The following IL1RAPL1 variants were observed in gnomAD, a reference collection of about 807,000 sequenced individuals.
The protein encoded by IL1RAPL1 is interleukin-1 receptor accessory protein-like 1.
Under a neutral mutation model 48.4 loss-of-function variants are expected in IL1RAPL1, and 3 were observed. The observed-to-expected ratio is 0.06, with a 90% CI of 0.03 to 0.16. The LOEUF (loss-of-function observed/expected upper bound fraction) is 0.16. IL1RAPL1 is among the 10% of genes least tolerant of loss of function. IL1RAPL1 has a pLI of 1.00. For synonymous variants in IL1RAPL1, 185 were observed against 187.7 expected (o/e 0.99, Z 0.12); for missense variants, 349 against 530.6 (o/e 0.66, Z 3.36).
intron 2 of IL1RAPL1, among the ~76,000 whole-genome samples, chrX:28,979,596 C>T (rs1001620597): frequency 2.7e-5 from 3 of 111,509 alleles, no homozygotes; most frequent in African/African-American, 9.8e-5. Context: ...CTTTTTGCTT[C>T]TCTAGCTCTC....
At chrX:29,648,954 T>C (rs7473771) in intron 5 of IL1RAPL1, among the ~76,000 whole-genome samples, 579 of 111,457 alleles carry the variant, frequency 5.2e-3, no homozygotes, top group Non-Finnish European at 7.1e-3. Flanking sequence ...ACTGAAGAAA[T>C]GCAAAGGATC....
chrX:29,850,761 C>T (rs1931349071), intron 6 of IL1RAPL1, among the ~76,000 whole-genome samples: 1 of 112,515 alleles, frequency 8.9e-6, no homozygotes, highest in South Asian at 3.7e-4. Context: ...TCTTGAGCAG[C>T]TTCACAGACA....
At chrX:28,686,552 C>T (rs1354238601) in intron 1 of IL1RAPL1, among the ~76,000 whole-genome samples, 1 of 112,000 alleles carries the variant, frequency 8.9e-6, no homozygotes, top group African/African-American at 3.2e-5. Flanking sequence ...CACCCATATA[C>T]TCTTTCACTT....
rs756122657 is a variant in IL1RAPL1, at chrX:28,724,227, C to G, written c.-24-65093C>G. Among the ~76,000 whole-genome samples the G allele has an allele frequency of 6.4e-4, 71 of 111,292 alleles. 1 individual carries two copies. Among genetic ancestry groups the G allele is most frequent in the African/African-American group, 2.0e-3 (61 of 30,592 alleles). On this transcript the variant is annotated intron_variant, in intron 1 of 10. Coordinates refer to ENST00000378993, the MANE Select transcript of IL1RAPL1 (RefSeq NM_014271.4). ...TCACCCATTATTATTGAGTGGGAGTCTAAGTCTCTTTGTAGATCTCTAAGG... is the reference window on the plus strand; with the variant it reads ...TCACCCATTATTATTGAGTGGGAGTGTAAGTCTCTTTGTAGATCTCTAAGG...
intron 5 of IL1RAPL1, among the ~76,000 whole-genome samples, chrX:29,586,864 T>C (rs1923183900): frequency 8.9e-6 from 1 of 111,735 alleles, no homozygotes; most frequent in Admixed American, 9.6e-5. Flanking sequence ...ACACAGCTAA[T>C]TTTTGTGTGC....
intron 1 of IL1RAPL1, among the ~76,000 whole-genome samples, chrX:28,704,850 C>A (rs1165354681): frequency 4.3e-4 from 23 of 53,487 alleles, no homozygotes; most frequent in East Asian, 3.1e-3. Context: ...AAAAAAAAAA[C>A]TGTGACTGGA....
intron 6 of IL1RAPL1, among the ~76,000 whole-genome samples, chrX:29,890,405 G>A (rs372139237): frequency 9.0e-6 from 1 of 111,657 alleles, no homozygotes. Context: ...ACCATGTGCC[G>A]CCAGGCTGCA....
Position 28,971,487 on chromosome X carries a change from T to C in IL1RAPL1, c.82+182062T>C, listed in dbSNP as rs138701850. 4.6e-3 allele frequency among the ~76,000 whole-genome samples: 510 copies of C among 111,859 alleles called. 4 individuals are homozygous for C. The highest frequency in any genetic ancestry group is 0.015 in the African/African-American group (477 of 30,827). On this transcript the variant is annotated intron_variant, in intron 2 of 10. Transcript: ENST00000378993. The stretch of plus-strand genomic sequence containing the variant: ...ATAATCTATAAATCCCAATGACCTA[T>C]AAGAGCAAGACAAGGACTGCAGGTG...
In IL1RAPL1 at chrX:29,174,114, G is replaced by C. The variant is rs145791912; in HGVS notation, c.83-108824G>C. The stretch of plus-strand genomic sequence containing the variant: ...GAATTTTGTATTTCTGGTAGAGACG[G>C]GGTTTCTCCATGTTGGTCAGGCTGG... On this transcript the variant is annotated intron_variant, in intron 2 of 10. Coordinates refer to ENST00000378993, the MANE Select transcript of IL1RAPL1 (RefSeq NM_014271.4). Among the ~76,000 whole-genome samples, 449 of 110,286 alleles carry C rather than the reference G, an allele frequency of 4.1e-3. 7 individuals carry two copies. In the East Asian group the frequency reaches 0.045, roughly 11 times the overall value.
intron 2 of IL1RAPL1, among the ~76,000 whole-genome samples, chrX:29,001,220 G>T (rs1300009673): frequency 9.0e-6 from 1 of 111,369 alleles, no homozygotes; most frequent in Non-Finnish European, 1.9e-5. Flanking sequence ...ATATTTTTTT[G>T]AAAAATCTTA....
At chrX:29,551,213 A>G (rs1476559234) in intron 5 of IL1RAPL1, among the ~76,000 whole-genome samples, 1 of 112,302 alleles carries the variant, frequency 8.9e-6, no homozygotes, top group Non-Finnish European at 1.9e-5. Context: ...CCATTCATCC[A>G]TAAATGAGCC....
intron 5 of IL1RAPL1, among the ~76,000 whole-genome samples, chrX:29,404,451 A>G (rs755162718): frequency 9.0e-6 from 1 of 110,871 alleles, no homozygotes; most frequent in Admixed American, 9.7e-5. Flanking sequence ...TTAGATATAT[A>G]TTTTAGTGAT....
chrX:28,817,270 T>C (rs1241477639), intron 2 of IL1RAPL1, among the ~76,000 whole-genome samples: 1 of 110,965 alleles, frequency 9.0e-6, no homozygotes. Context: ...GTTTTTCTTA[T>C]GACCAATGTC....
intron 6 of IL1RAPL1, among the ~76,000 whole-genome samples, chrX:29,743,143 A>G (rs182801209): frequency 0.046 from 4,978 of 108,485 alleles, 196 homozygotes; most frequent in African/African-American, 0.13. Flanking sequence ...TACTATTTAC[A>G]AATTATATAT....
intron 1 of IL1RAPL1, among the ~76,000 whole-genome samples, chrX:28,680,124 C>G (rs912996133): frequency 5.4e-5 from 6 of 111,363 alleles, no homozygotes; most frequent in Admixed American, 9.5e-5. Flanking sequence ...TCTGTATTTT[C>G]TTTTATTTTC....
intron 2 of IL1RAPL1, among the ~76,000 whole-genome samples, chrX:29,012,337 G>A (rs1926142421): frequency 9.0e-6 from 1 of 111,699 alleles, no homozygotes; most frequent in Admixed American, 9.5e-5. Flanking sequence ...GAGGTCAGGA[G>A]TTCAAGACCA....
chrX:29,702,212 C>G (rs1044996860), intron 6 of IL1RAPL1, among the ~76,000 whole-genome samples: 1 of 107,656 alleles, frequency 9.3e-6, no homozygotes, highest in Admixed American at 9.9e-5. Flanking sequence ...CGAGATTGCG[C>G]CACTGCACTC....
At chrX:29,886,702 TACCATTC>T (rs1191741773) in intron 6 of IL1RAPL1, among the ~76,000 whole-genome samples, 1 of 112,114 alleles carries the variant, frequency 8.9e-6, no homozygotes, top group Non-Finnish European at 1.9e-5. Context: ...TTTTCATAAT[TACCATTC>T]ACAGAATACA....
intron 2 of IL1RAPL1, among the ~76,000 whole-genome samples, chrX:29,258,981 T>G (rs1474149821): frequency 1.8e-5 from 2 of 111,187 alleles, no homozygotes; most frequent in Admixed American, 1.9e-4. Context: ...ATGAAATAAT[T>G]TGTTTCTCCC....
Sources: allele counts gnomAD v4.1 joint callset (sites outside exome capture counted in the v4.1 genomes callset), GRCh38; gene constraint gnomAD v4.1.1; transcripts MANE v1.5; gene names NCBI Gene and HGNC (gene_info 2026-07-23, HGNC 2026-07-21).